The following SPAG16 variants were observed in gnomAD, a reference collection of about 807,000 sequenced individuals.
SPAG16 encodes sperm-associated antigen 16 protein.
Under a neutral mutation model 80.4 loss-of-function variants are expected in SPAG16, and 86 were observed. That is an observed-to-expected ratio of 1.07 (90% CI 0.90 to 1.28). The LOEUF is 1.28. SPAG16 is among the 50% of genes most tolerant of loss of function. SPAG16 has a pLI of 0.00. For synonymous variants in SPAG16, 294 were observed against 265.9 expected, an observed-to-expected ratio of 1.11 and a Z score of -1.03; for missense variants, 870 against 765.3, an observed-to-expected ratio of 1.14 and a Z score of -1.61.
At chr2:213,985,559 T>A (rs2045960401) in intron 12 of SPAG16, among the ~76,000 whole-genome samples, 1 of 152,078 alleles carries the variant, frequency 6.6e-6, no homozygotes, top group Admixed American at 6.6e-5. Context: ...AACCTGAATC[T>A]GATACTTTAA....
chr2:214,281,021 A>G, intron 15 of SPAG16: 1 of 415,452 alleles, frequency 2.4e-6, no homozygotes, highest in Non-Finnish European at 4.7e-6. Flanking sequence ...ACCTCCATTC[A>G]CAGCTCCCTC....
intron 10 of SPAG16, among the ~76,000 whole-genome samples, chr2:213,708,852 G>A (rs1402557404): frequency 6.6e-6 from 1 of 152,108 alleles, no homozygotes; most frequent in African/African-American, 2.4e-5. Flanking sequence ...GTGAGTGGAG[G>A]GAAACAGAAG....
At chr2:213,338,449 G>A (rs1477564532) in intron 5 of SPAG16, among the ~76,000 whole-genome samples, 1 of 152,168 alleles carries the variant, frequency 6.6e-6, no homozygotes, top group Non-Finnish European at 1.5e-5. Flanking sequence ...ATTCATTGGT[G>A]TGCTGTATTC....
At chr2:214,352,558 C>CTCTGTGTGTGTGTGTGTGTGTGTG (rs796885924) in intron 15 of SPAG16, among the ~76,000 whole-genome samples, 3 of 142,466 alleles carry the variant, frequency 2.1e-5, no homozygotes, top group Non-Finnish European at 3.0e-5. Context: ...CTTTTTTTCT[C>CTCTGTGTGTGTGTGTGTGTGTGTG]TGTGTGTGTG....
chr2:213,806,172 A>G (rs1377006507), intron 10 of SPAG16, among the ~76,000 whole-genome samples: 1 of 152,202 alleles, frequency 6.6e-6, no homozygotes, highest in Non-Finnish European at 1.5e-5. Flanking sequence ...TCCCACTAAA[A>G]CAAAAACAAA....
chr2:214,342,659 G>A (rs904207589), intron 15 of SPAG16, among the ~76,000 whole-genome samples: 2 of 152,026 alleles, frequency 1.3e-5, no homozygotes, highest in African/African-American at 4.8e-5. Context: ...GAAATAGAGT[G>A]CATAATAAAT....
chr2:213,311,546 T>C (rs1043811616), intron 4 of SPAG16, among the ~76,000 whole-genome samples: 2 of 151,714 alleles, frequency 1.3e-5, no homozygotes, highest in African/African-American at 4.8e-5. Flanking sequence ...CTAAGATTAC[T>C]GTTAGTATTA....
intron 9 of SPAG16, among the ~76,000 whole-genome samples, chr2:213,477,558 G>C (rs1166665912): frequency 1.3e-5 from 2 of 152,208 alleles, no homozygotes; most frequent in Non-Finnish European, 2.9e-5. Context: ...GAACTTTAAG[G>C]TTTAATGACT....
intron 10 of SPAG16, among the ~76,000 whole-genome samples, chr2:213,815,423 A>G (rs879391212): frequency 1.3e-4 from 20 of 152,188 alleles, no homozygotes; most frequent in African/African-American, 4.3e-4. Context: ...AATTTGTCCA[A>G]ACTTACTAAG....
At chr2:214,051,428 C>T (rs1456102848) in intron 13 of SPAG16, among the ~76,000 whole-genome samples, 2 of 152,152 alleles carry the variant, frequency 1.3e-5, no homozygotes, top group Admixed American at 1.3e-4. Flanking sequence ...ATTTAGGGAA[C>T]TTGAATAATT....
intron 12 of SPAG16, among the ~76,000 whole-genome samples, chr2:213,933,057 A>C (rs1328078764): frequency 3.3e-5 from 5 of 152,082 alleles, no homozygotes; most frequent in Non-Finnish European, 7.4e-5. Flanking sequence ...AGAGTGATTC[A>C]ACAAGTAAAT....
At chr2:213,383,169 C>G (rs1575438908) in intron 9 of SPAG16, among the ~76,000 whole-genome samples, 1 of 152,054 alleles carries the variant, frequency 6.6e-6, no homozygotes, top group African/African-American at 2.4e-5. Context: ...ATCTGGCAAC[C>G]TCCTTTTATA....
intron 10 of SPAG16, among the ~76,000 whole-genome samples, chr2:213,718,617 G>A (rs2066360022): frequency 6.6e-6 from 1 of 152,166 alleles, no homozygotes; most frequent in Non-Finnish European, 1.5e-5. Flanking sequence ...CCGGGGCAAT[G>A]GGGGACTTAG....
intron 15 of SPAG16, among the ~76,000 whole-genome samples, chr2:214,179,156 A>G (rs986147306): frequency 2.6e-5 from 4 of 151,406 alleles, no homozygotes; most frequent in African/African-American, 9.7e-5. Flanking sequence ...ATTTGTTGCA[A>G]TAGTATTTGT....
chr2:214,055,750 TACAA>T (rs1025784599), intron 13 of SPAG16, among the ~76,000 whole-genome samples: 1 of 152,170 alleles, frequency 6.6e-6, no homozygotes, highest in Non-Finnish European at 1.5e-5. Flanking sequence ...ATCTTTTGCT[TACAA>T]ACAAACCAAC....
chr2:214,406,254 G>A (rs1035415796), intron 15 of SPAG16, among the ~76,000 whole-genome samples: 12 of 152,066 alleles, frequency 7.9e-5, no homozygotes, highest in African/African-American at 2.7e-4. Context: ...CTTCTCACAC[G>A]TGTTTCTAAA....
At chr2:214,258,471 G>GTATATATATATATATA (rs146532641) in intron 15 of SPAG16, among the ~76,000 whole-genome samples, 100 of 141,436 alleles carry the variant, frequency 7.1e-4, no homozygotes, top group Middle Eastern at 3.8e-3. Flanking sequence ...ATGTGTGTGT[G>GTATATATATATATATA]TATATATATA....
chr2:213,605,290 G>A (rs1478891586), intron 10 of SPAG16, among the ~76,000 whole-genome samples: 5 of 142,256 alleles, frequency 3.5e-5, no homozygotes, highest in African/African-American at 1.3e-4. Context: ...TTTTTGAGAT[G>A]GAGTCTCGCA....
intron 10 of SPAG16, among the ~76,000 whole-genome samples, chr2:213,668,996 AT>A (rs1015661851): frequency 4.6e-5 from 7 of 151,982 alleles, no homozygotes; most frequent in African/African-American, 9.7e-5. Flanking sequence ...ATAGACCATA[AT>A]TTTTTTTATT....
Sources: allele counts gnomAD v4.1 joint callset (sites outside exome capture counted in the v4.1 genomes callset), GRCh38; gene constraint gnomAD v4.1.1; transcripts MANE v1.5; gene names NCBI Gene and HGNC (gene_info 2026-07-23, HGNC 2026-07-21).